FBXO25: variants seen among roughly 807,000 people sequenced by gnomAD.
The protein encoded by FBXO25 is F-box only protein 25.
FBXO25 carries 45 observed loss-of-function variants against 51.9 expected under a neutral mutation model. The ratio of observed to expected loss-of-function variants is 0.87; its 90% CI spans 0.68 to 1.11. The LOEUF is 1.11. FBXO25 is among the 50% of genes most tolerant of loss of function. The pLI, the probability that FBXO25 is intolerant of heterozygous loss-of-function variation, is 0.00. For synonymous variants in FBXO25, 199 were observed against 151.0 expected (o/e 1.32, Z -2.33); for missense variants, 507 against 428.5 (o/e 1.18, Z -1.62).
At chr8:412,048 C>G (rs17737978) in intron 1 of FBXO25, among the ~76,000 whole-genome samples, 8,930 of 152,250 alleles carry the variant, frequency 0.059, 278 homozygotes, top group Middle Eastern at 0.075. Context: ...GAGCAGAAAT[C>G]AAGTCAGTGG....
intron 8 of FBXO25, among the ~76,000 whole-genome samples, chr8:462,703 C>A (rs1035956639): frequency 2.6e-5 from 4 of 152,044 alleles, no homozygotes; most frequent in Non-Finnish European, 4.4e-5. Flanking sequence ...CACGGGTACA[C>A]AAAGGCATTC....
In FBXO25 at chr8:422,886, T is replaced by TA. The variant is rs1366071916; in HGVS notation, c.135-8454dup. On this transcript the variant is annotated intron_variant, in intron 2 of 9. Coordinates refer to ENST00000350302, the MANE Select transcript of FBXO25 (RefSeq NM_183420.2). ...TATGGTGTCTTTATTGGGTATGTGT[T>TA]ACGGGAGGTACACAGGTCAGGACTC... Among the ~76,000 whole-genome samples, 3 of 152,230 alleles carry TA rather than the reference T, an allele frequency of 2.0e-5. No homozygotes were observed. The East Asian group carries it at 5.8e-4, about 29-fold the overall frequency.
intron 2 of FBXO25, among the ~76,000 whole-genome samples, chr8:421,628 G>C (rs988949431): frequency 1.3e-5 from 2 of 152,110 alleles, no homozygotes; most frequent in African/African-American, 4.8e-5. Flanking sequence ...GAGAAATGTG[G>C]GTCTATGCAT....
chr8:418,137 T>G (rs969976991), intron 2 of FBXO25, among the ~76,000 whole-genome samples: 1 of 152,134 alleles, frequency 6.6e-6, no homozygotes, highest in East Asian at 1.9e-4. Context: ...GTGTGCCTTG[T>G]GTAGGCTGCA....
At chr8:438,895 A>T (rs1014416446) in intron 5 of FBXO25, among the ~76,000 whole-genome samples, 1 of 152,174 alleles carries the variant, frequency 6.6e-6, no homozygotes, top group Admixed American at 6.5e-5. Context: ...GCCAGTGGCC[A>T]CGTGTTTAAG....
chr8:412,851 G>C (rs936354960), intron 1 of FBXO25, among the ~76,000 whole-genome samples: 23 of 152,210 alleles, frequency 1.5e-4, no homozygotes, highest in Middle Eastern at 3.4e-3. Flanking sequence ...CATGGGATAC[G>C]CAGTATTAGG....
At chr8:457,752 A>G (rs1226982173) in intron 7 of FBXO25, among the ~76,000 whole-genome samples, 1 of 152,264 alleles carries the variant, frequency 6.6e-6, no homozygotes, top group African/African-American at 2.4e-5. Context: ...CCATCGGTTC[A>G]TAACGCATAC....
At chr8:461,185 G>A (rs1431647859) in intron 8 of FBXO25, among the ~76,000 whole-genome samples, 2 of 152,164 alleles carry the variant, frequency 1.3e-5, no homozygotes, top group African/African-American at 4.8e-5. Flanking sequence ...CTGTAATACT[G>A]ATGTTTTTGG....
intron 5 of FBXO25, among the ~76,000 whole-genome samples, chr8:446,541 A>G (rs1267126530): frequency 6.6e-6 from 1 of 152,070 alleles, no homozygotes; most frequent in Non-Finnish European, 1.5e-5. Flanking sequence ...AATGCTGATA[A>G]CCTCAGTTGG....
chr8:410,486 A>T (rs1379253922), intron 1 of FBXO25, among the ~76,000 whole-genome samples: 1 of 152,068 alleles, frequency 6.6e-6, no homozygotes, highest in Non-Finnish European at 1.5e-5. Flanking sequence ...ATTGAGAGAT[A>T]ATTTGATAAT....
chr8:417,305 TA>T (rs1027853961), intron 2 of FBXO25, among the ~76,000 whole-genome samples: 1 of 152,198 alleles, frequency 6.6e-6, no homozygotes, highest in African/African-American at 2.4e-5. Context: ...GCTACCGTGT[TA>T]AAAACAGACT....
rs1011093296 is a variant in FBXO25, at chr8:472,667, G to C, written c.*3863G>C. ...AAATGTTTGAGAGAACTCCATATAA[G>C]ATTTGAAGTCACTGAGAAGCTTCAA... On this transcript the variant is annotated 3_prime_UTR_variant, in exon 10 of 10. Transcript: ENST00000350302. 2 of 152,244 alleles carry C rather than the reference G, an allele frequency of 1.3e-5. No homozygotes were observed. Among genetic ancestry groups the C allele is most frequent in the African/African-American group, 2.4e-5 (1 of 41,470 alleles). 9.4% of individuals were successfully genotyped at this position (152,244 alleles called of 1,614,324 possible).
At chr8:432,585 G>C (rs1797878953) in intron 3 of FBXO25, among the ~76,000 whole-genome samples, 1 of 152,084 alleles carries the variant, frequency 6.6e-6, no homozygotes, top group Non-Finnish European at 1.5e-5. Context: ...AGGGTACATA[G>C]GAATGTAGTA....
At chr8:428,446 C>T (rs914482407) in intron 2 of FBXO25, among the ~76,000 whole-genome samples, 10 of 151,916 alleles carry the variant, frequency 6.6e-5, no homozygotes, top group Admixed American at 6.6e-4. Context: ...CCACCCCATC[C>T]CTCGGACATG....
intron 5 of FBXO25, among the ~76,000 whole-genome samples, chr8:439,638 T>C (rs528908169): frequency 6.6e-6 from 1 of 152,240 alleles, no homozygotes; most frequent in Non-Finnish European, 1.5e-5. Flanking sequence ...GTCTCTCTTA[T>C]CTTTATTCAA....
intron 5 of FBXO25, among the ~76,000 whole-genome samples, chr8:438,290 C>T (rs528395614): frequency 6.6e-6 from 1 of 152,286 alleles, no homozygotes; most frequent in Non-Finnish European, 1.5e-5. Flanking sequence ...AACTCCTGAC[C>T]TCAAGTGATC....
intron 2 of FBXO25, chr8:420,572 A>G (rs1437903191): frequency 6.6e-6 from 1 of 152,254 alleles, no homozygotes; most frequent in Non-Finnish European, 1.5e-5. Flanking sequence ...AATTGTGGTA[A>G]CATCTCTACA....
chr8:417,437 G>A (rs1796876328), intron 2 of FBXO25, among the ~76,000 whole-genome samples: 1 of 152,248 alleles, frequency 6.6e-6, no homozygotes, highest in South Asian at 2.1e-4. Flanking sequence ...TCAAATCCTG[G>A]ATGTATTCTG....
intron 5 of FBXO25, among the ~76,000 whole-genome samples, chr8:446,883 T>C (rs1421335851): frequency 6.6e-6 from 1 of 152,122 alleles, no homozygotes; most frequent in Non-Finnish European, 1.5e-5. Flanking sequence ...GATTTCTCAT[T>C]CTGGAAATCA....
Sources: gnomAD v4.1 joint callset for allele counts (sites outside exome capture counted in the v4.1 genomes callset) on GRCh38, gnomAD v4.1.1 for gene constraint, MANE v1.5 for transcripts, NCBI Gene and HGNC (gene_info 2026-07-23, HGNC 2026-07-21) for gene names.